Variants in GRIA1 observed in about 807,000 individuals in gnomAD.
GRIA1 encodes the protein glutamate receptor 1.
A neutral mutation model predicts 99.2 loss-of-function variants in GRIA1; 31 were observed. The observed-to-expected ratio is 0.31, with a 90% CI of 0.23 to 0.42. GRIA1 has a LOEUF of 0.42. Ranked by LOEUF, GRIA1 falls within the 10% of genes least tolerant of loss-of-function variation. The pLI is 1.00. For missense variants in GRIA1, 782 were observed against 1,157.5 expected, an observed-to-expected ratio of 0.68 and a Z score of 4.71; for synonymous variants, 438 against 432.4, an observed-to-expected ratio of 1.01 and a Z score of -0.16.
At chr5:153,500,492 T>C (rs1754892459) in intron 2 of GRIA1, among the ~76,000 whole-genome samples, 1 of 151,938 alleles carries the variant, frequency 6.6e-6, no homozygotes, top group Admixed American at 6.6e-5. Flanking sequence ...AAAAATAAAA[T>C]GCATTAGGCA....
intron 11 of GRIA1, among the ~76,000 whole-genome samples, chr5:153,759,660 C>A (rs1265065702): frequency 6.6e-6 from 1 of 151,860 alleles, no homozygotes; most frequent in African/African-American, 2.4e-5. Context: ...TCAAACTATT[C>A]CAAAAAAATT....
In GRIA1 at chr5:153,551,998, A is replaced by C. The variant is rs538441429; in HGVS notation, c.220+57933A>C. 5.9e-5 allele frequency among the ~76,000 whole-genome samples: 9 copies of C among 152,248 alleles called. No homozygotes were observed. The South Asian group carries it at 1.0e-3, about 18-fold the overall frequency. On this transcript the variant is annotated intron_variant, in intron 2 of 15. Coordinates refer to ENST00000285900, the MANE Select transcript of GRIA1 (RefSeq NM_000827.4). Reference sequence around the variant, plus strand: ...GCAGTCACATGCTCTATTCAGAATGAATCATCACTTTGGAATTGTCTGCCA... The same window carrying C: ...GCAGTCACATGCTCTATTCAGAATGCATCATCACTTTGGAATTGTCTGCCA...
chr5:153,506,316 GGT>G (rs61220170), intron 2 of GRIA1, among the ~76,000 whole-genome samples: 9,264 of 140,230 alleles, frequency 0.066, 295 homozygotes, highest in East Asian at 0.11. Context: ...TGGCAAGAAG[GGT>G]GTGTGTGTGT....
chr5:153,628,941 C>T (rs1767891883), intron 2 of GRIA1, among the ~76,000 whole-genome samples: 1 of 152,182 alleles, frequency 6.6e-6, no homozygotes, highest in Non-Finnish European at 1.5e-5. Context: ...CTCCTAGTCA[C>T]CACTATGCTG....
intron 2 of GRIA1, among the ~76,000 whole-genome samples, chr5:153,505,304 A>G (rs1472743829): frequency 6.6e-6 from 1 of 152,082 alleles, no homozygotes; most frequent in East Asian, 1.9e-4. Flanking sequence ...GCATCGTGGT[A>G]GATGAGATTA....
intron 13 of GRIA1, among the ~76,000 whole-genome samples, chr5:153,788,019 G>T (rs1199171607): frequency 1.3e-5 from 2 of 152,034 alleles, no homozygotes; most frequent in Admixed American, 6.5e-5. Flanking sequence ...GGCGTAGCTT[G>T]CAGTGAGCTG....
chr5:153,768,671 C>T (rs767343790), intron 12 of GRIA1, among the ~76,000 whole-genome samples: 29 of 151,950 alleles, frequency 1.9e-4, no homozygotes, highest in Non-Finnish European at 3.4e-4. Context: ...CAACAGTTGA[C>T]GTGCGCTAAT....
rs370739593 is a variant in GRIA1, at chr5:153,622,081, A to G, written c.221-24847A>G. On this transcript the variant is annotated intron_variant, in intron 2 of 15. Coordinates refer to ENST00000285900, the MANE Select transcript of GRIA1 (RefSeq NM_000827.4). ...AGTGGTTCTCAAGGAATGGTCAAGC[A>G]CCAGCAGCGTGAGCATCTTCTGGGA... Among the ~76,000 whole-genome samples, 3 of 152,306 alleles carry G rather than the reference A, an allele frequency of 2.0e-5. No homozygotes were observed. The East Asian group carries it at 5.8e-4, about 29-fold the overall frequency.
chr5:153,626,959 A>T (rs1318033536), intron 2 of GRIA1, among the ~76,000 whole-genome samples: 2 of 152,164 alleles, frequency 1.3e-5, no homozygotes, highest in Non-Finnish European at 2.9e-5. Flanking sequence ...ACTGATAAAG[A>T]TGCTCTCTAA....
chr5:153,600,842 C>G (rs979244627), intron 2 of GRIA1, among the ~76,000 whole-genome samples: 14 of 152,168 alleles, frequency 9.2e-5, no homozygotes, highest in Admixed American at 2.6e-4. Flanking sequence ...GGAGGTGAAG[C>G]CTTCTGTTTA....
At chr5:153,582,867 C>T (rs1303574143) in intron 2 of GRIA1, among the ~76,000 whole-genome samples, 3 of 152,128 alleles carry the variant, frequency 2.0e-5, no homozygotes, top group Non-Finnish European at 4.4e-5. Context: ...GGCACGATCA[C>T]AGCTCACTAT....
intron 11 of GRIA1, among the ~76,000 whole-genome samples, chr5:153,751,837 G>T (rs1484382306): frequency 6.6e-6 from 1 of 152,166 alleles, no homozygotes; most frequent in African/African-American, 2.4e-5. Flanking sequence ...AAGGAAAAAA[G>T]ATCCTTTGCA....
intron 2 of GRIA1, among the ~76,000 whole-genome samples, chr5:153,620,856 T>C (rs1410415157): frequency 6.6e-6 from 1 of 152,220 alleles, no homozygotes; most frequent in Non-Finnish European, 1.5e-5. Flanking sequence ...CCTACCCTAG[T>C]TCTGCCTTTA....
chr5:153,555,332 G>T (rs1205351493), intron 2 of GRIA1, among the ~76,000 whole-genome samples: 1 of 150,982 alleles, frequency 6.6e-6, no homozygotes, highest in Non-Finnish European at 1.5e-5. Context: ...TACATACAGG[G>T]AGCAAATTCC....
chr5:153,573,052 G>T (rs17114805), intron 2 of GRIA1, among the ~76,000 whole-genome samples: 3 of 152,098 alleles, frequency 2.0e-5, no homozygotes, highest in African/African-American at 7.2e-5. Context: ...ATAGGGCCAC[G>T]TTGAGTGACA....
chr5:153,512,991 A>C (rs1227345334), intron 2 of GRIA1, among the ~76,000 whole-genome samples: 1 of 152,216 alleles, frequency 6.6e-6, no homozygotes, highest in Admixed American at 6.5e-5. Flanking sequence ...GAGAACACAC[A>C]GCAAGATGGC....
At chr5:153,765,764 T>C (rs1394464344) in intron 12 of GRIA1, among the ~76,000 whole-genome samples, 1 of 152,204 alleles carries the variant, frequency 6.6e-6, no homozygotes, top group Non-Finnish European at 1.5e-5. Context: ...ATGAACCAGG[T>C]CCTGTGCTAA....
intron 13 of GRIA1, among the ~76,000 whole-genome samples, chr5:153,793,801 T>C (rs958182874): frequency 1.3e-5 from 2 of 152,238 alleles, no homozygotes; most frequent in African/African-American, 4.8e-5. Context: ...ACTTGACTTA[T>C]TGGAGCAGGT....
At chr5:153,714,338 G>C (rs181876695) in intron 11 of GRIA1, among the ~76,000 whole-genome samples, 101 of 152,256 alleles carry the variant, frequency 6.6e-4, no homozygotes, top group Admixed American at 4.4e-3. Flanking sequence ...TTGGAATATC[G>C]TATTTATATA....
Sources: gnomAD v4.1 joint callset for allele counts (sites outside exome capture counted in the v4.1 genomes callset) on GRCh38, gnomAD v4.1.1 for gene constraint, MANE v1.5 for transcripts, NCBI Gene and HGNC (gene_info 2026-07-23, HGNC 2026-07-21) for gene names.